GATAD2B: variants seen among roughly 807,000 people sequenced by gnomAD.
GATAD2B encodes GATA zinc finger domain containing 2B.
GATAD2B carries 8 observed loss-of-function variants against 64.3 expected under a neutral mutation model. That is an observed-to-expected ratio of 0.12 (90% CI 0.07 to 0.22). The LOEUF (loss-of-function observed/expected upper bound fraction) is 0.22, where lower values mean the gene tolerates loss of function less well. Ranked by LOEUF, GATAD2B falls within the 10% of genes least tolerant of loss-of-function variation. The probability of loss-of-function intolerance (pLI) is 1.00; values close to 1 mark genes in which losing one functional copy is unlikely to be tolerated. For missense variants in GATAD2B, 453 were observed against 752.0 expected (o/e 0.60, Z 4.65); for synonymous variants, 281 against 271.3 (o/e 1.04, Z -0.35).
At chr1:153,871,227 C>T (rs1206897521) in intron 1 of GATAD2B, among the ~76,000 whole-genome samples, 8 of 151,846 alleles carry the variant, frequency 5.3e-5, no homozygotes, top group Non-Finnish European at 1.0e-4. Context: ...CCACCATGCC[C>T]GGCTAATTTT....
chr1:153,904,400 AAGAC>A (rs544824199), intron 1 of GATAD2B, among the ~76,000 whole-genome samples: 94 of 152,202 alleles, frequency 6.2e-4, no homozygotes, highest in African/African-American at 2.3e-3. Flanking sequence ...AGGAAGTTAA[AAGAC>A]AGTGACAAGA....
At chr1:153,849,212 T>C (rs1292112394) in intron 1 of GATAD2B, among the ~76,000 whole-genome samples, 2 of 152,162 alleles carry the variant, frequency 1.3e-5, no homozygotes, top group Admixed American at 6.5e-5. Context: ...GTTCCAGAAG[T>C]TGGGAAGCCT....
intron 4 of GATAD2B, 142 bp from the exon 5 acceptor site, chr1:153,818,313 T>TA: frequency 4.8e-5 from 27 of 564,782 alleles, no homozygotes; most frequent in Middle Eastern, 4.5e-4. Flanking sequence ...GTCAAGGTTT[T>TA]CTTTTTTTTT....
At chr1:153,837,983 A>G (rs1557794820) in intron 1 of GATAD2B, among the ~76,000 whole-genome samples, 1 of 152,024 alleles carries the variant, frequency 6.6e-6, no homozygotes, top group South Asian at 2.1e-4. Context: ...TTACTTATAT[A>G]TTTTTTTTCT....
chr1:153,909,491 T>C (rs1244277472), intron 1 of GATAD2B, among the ~76,000 whole-genome samples: 1 of 150,380 alleles, frequency 6.6e-6, no homozygotes, highest in Non-Finnish European at 1.5e-5. Context: ...TGAGCCACCA[T>C]GCCCGGCCAC....
chr1:153,907,721 C>T (rs1453423902), intron 1 of GATAD2B, among the ~76,000 whole-genome samples: 2 of 151,710 alleles, frequency 1.3e-5, no homozygotes, highest in Admixed American at 6.6e-5. Flanking sequence ...TCACTGCAAC[C>T]TCTGCCTCCC....
intron 2 of GATAD2B, among the ~76,000 whole-genome samples, chr1:153,820,776 T>C (rs1018144885): frequency 6.6e-6 from 1 of 151,596 alleles, no homozygotes; most frequent in African/African-American, 2.4e-5. Flanking sequence ...ACTACAGGCA[T>C]GTGCCGCTAC....
intron 1 of GATAD2B, among the ~76,000 whole-genome samples, chr1:153,915,068 C>G (rs1232415394): frequency 3.0e-4 from 45 of 152,130 alleles, no homozygotes; most frequent in Non-Finnish European, 7.3e-5. Flanking sequence ...GCTAAAAACA[C>G]AAAAACTAGC....
At chr1:153,909,339 G>A (rs963734118) in intron 1 of GATAD2B, among the ~76,000 whole-genome samples, 11 of 151,670 alleles carry the variant, frequency 7.3e-5, no homozygotes, top group African/African-American at 1.7e-4. Flanking sequence ...TCAGCCTCCC[G>A]AGTAGCTGGG....
At chr1:153,824,674 C>G (rs895275113) in intron 2 of GATAD2B, among the ~76,000 whole-genome samples, 1 of 141,416 alleles carries the variant, frequency 7.1e-6, no homozygotes, top group Non-Finnish European at 1.5e-5. Flanking sequence ...TTAACATATA[C>G]TGTATCTATC....
rs970713753 is a variant in GATAD2B at position 153,852,056 on chromosome 1, G to A, written c.-1-23708C>T. ...GGTTAATTTCAACATAACGAAAGGT[G>A]TTAACTGGCTGGCCGCATCATTCAC... On this transcript the variant is annotated intron_variant, in intron 1 of 10. Transcript: ENST00000368655. 2.3e-5 allele frequency: 12 copies of A among 521,022 alleles called. No individual in the cohort carries two copies. The African/African-American group carries it at 2.3e-4, about 10-fold the overall frequency. The allele number at this position is 521,022 out of a possible 1,614,324, so 32.3% of individuals were successfully genotyped here. A position where few individuals can be genotyped will look rare whatever the true frequency, so the allele number is the denominator to read the frequency against.
intron 1 of GATAD2B, among the ~76,000 whole-genome samples, chr1:153,859,669 CA>C (rs1201956736): frequency 5.9e-5 from 7 of 118,266 alleles, no homozygotes; most frequent in Non-Finnish European, 6.8e-5. Context: ...GACTCCATCT[CA>C]AAAAAAAATA....
chr1:153,881,782 CGTGTGT>C (rs60620987), intron 1 of GATAD2B, among the ~76,000 whole-genome samples: 2 of 149,960 alleles, frequency 1.3e-5, no homozygotes, highest in East Asian at 3.9e-4. Flanking sequence ...AGGTTTTTTT[CGTGTGT>C]GTGTGTGTGT....
intron 1 of GATAD2B, among the ~76,000 whole-genome samples, chr1:153,862,414 C>T (rs1164098188): frequency 6.6e-6 from 1 of 152,030 alleles, no homozygotes; most frequent in Admixed American, 6.6e-5. Flanking sequence ...TGAGCCATCA[C>T]TCCCAGCCTT....
At chr1:153,908,376 A>T (rs1423825028) in intron 1 of GATAD2B, among the ~76,000 whole-genome samples, 3 of 152,196 alleles carry the variant, frequency 2.0e-5, no homozygotes, top group Non-Finnish European at 2.9e-5. Flanking sequence ...CATTTACTGG[A>T]CATTTACAAT....
chr1:153,822,215 G>A (rs773912215), intron 2 of GATAD2B, among the ~76,000 whole-genome samples: 20 of 151,880 alleles, frequency 1.3e-4, no homozygotes, highest in East Asian at 3.9e-4. Flanking sequence ...ATAAAACACC[G>A]GTAATTTTGG....
At position 153,853,168 on chromosome 1, in the gene GATAD2B, G is replaced by A. The variant is rs193109823; in HGVS notation, c.-1-24820C>T. On this transcript the variant is annotated intron_variant, in intron 1 of 10. Transcript: ENST00000368655. Reference sequence around the variant, plus strand: ...ATCCTGTCTAGCCCCTTACAGACACGGATATTGGCAACTGCAATTTGCAGC... The same window carrying A: ...ATCCTGTCTAGCCCCTTACAGACACAGATATTGGCAACTGCAATTTGCAGC... 12 of 1,333,548 alleles carry A rather than the reference G, an allele frequency of 9.0e-6. No homozygotes were observed. The East Asian group carries it at 1.4e-4, about 15-fold the overall frequency. The allele number at this position is 1,333,548 out of a possible 1,614,324, so 82.6% of individuals were successfully genotyped here. A position where few individuals can be genotyped will look rare whatever the true frequency, so the allele number is the denominator to read the frequency against.
At chr1:153,919,373 A>G (rs1678362221) in intron 1 of GATAD2B, among the ~76,000 whole-genome samples, 1 of 152,250 alleles carries the variant, frequency 6.6e-6, no homozygotes, top group South Asian at 2.1e-4. Context: ...TTCTTACTGG[A>G]TGAATTCAAG....
chr1:153,906,226 T>G (rs1474879801), intron 1 of GATAD2B, among the ~76,000 whole-genome samples: 5 of 152,038 alleles, frequency 3.3e-5, no homozygotes, highest in African/African-American at 1.2e-4. Flanking sequence ...GAGACCAGCC[T>G]GGCCAATATG....
Sources: gnomAD v4.1 joint callset for allele counts (sites outside exome capture counted in the v4.1 genomes callset) on GRCh38, gnomAD v4.1.1 for gene constraint, MANE v1.5 for transcripts, NCBI Gene and HGNC (gene_info 2026-07-23, HGNC 2026-07-21) for gene names.